Variants in DEPDC1B observed in about 807,000 individuals in gnomAD.
DEPDC1B encodes the protein DEP domain-containing protein 1B.
Under a neutral mutation model 66.5 loss-of-function variants are expected in DEPDC1B, and 51 were observed. The observed-to-expected ratio is 0.77, with a 90% CI of 0.61 to 0.97. The LOEUF is 0.97. Ranked by LOEUF, DEPDC1B falls within the 50% of genes least tolerant of loss-of-function variation. DEPDC1B has a pLI of 0.00. For missense variants in DEPDC1B, 552 were observed against 637.1 expected, an observed-to-expected ratio of 0.87 and a Z score of 1.44; for synonymous variants, 226 against 223.6, an observed-to-expected ratio of 1.01 and a Z score of -0.10.
chr5:60,638,735 T>C lies in DEPDC1B; in HGVS notation c.898+15A>G. On this transcript the variant is annotated intron_variant, in intron 7 of 10. Coordinates refer to ENST00000265036, the MANE Select transcript of DEPDC1B (RefSeq NM_018369.3). ...ATCAGTGATGTAGATATATGTTCATTATATTCCAACTTACCCAGTACACTG... is the reference window on the plus strand; with the variant it reads ...ATCAGTGATGTAGATATATGTTCATCATATTCCAACTTACCCAGTACACTG... The C allele has an allele frequency of 1.3e-6, 2 of 1,598,498 alleles. No individual in the cohort carries two copies. The highest frequency in any genetic ancestry group is 4.5e-5 in the East Asian group (2 of 44,470).
intron 7 of DEPDC1B, among the ~76,000 whole-genome samples, chr5:60,616,333 C>G (rs1233980729): frequency 2.0e-5 from 3 of 152,092 alleles, no homozygotes; most frequent in Non-Finnish European, 4.4e-5. Flanking sequence ...TTCAGATGAT[C>G]AAACTACTCT....
At chr5:60,631,476 G>A (rs1421135173) in intron 7 of DEPDC1B, among the ~76,000 whole-genome samples, 11 of 152,182 alleles carry the variant, frequency 7.2e-5, no homozygotes, top group Admixed American at 7.2e-4. Context: ...AAGTGATGGG[G>A]AGGACTCTCC....
At chr5:60,618,741 C>A (rs1023250246) in intron 7 of DEPDC1B, among the ~76,000 whole-genome samples, 1 of 152,204 alleles carries the variant, frequency 6.6e-6, no homozygotes, top group Non-Finnish European at 1.5e-5. Flanking sequence ...CCTTCTGAAA[C>A]TATTCCAATC....
At chr5:60,608,847 A>C (rs1168009595) in intron 7 of DEPDC1B, among the ~76,000 whole-genome samples, 1 of 152,146 alleles carries the variant, frequency 6.6e-6, no homozygotes, top group Non-Finnish European at 1.5e-5. Flanking sequence ...GGTGGCTTAC[A>C]CCTATAATCT....
chr5:60,629,390 T>C (rs1465215451), intron 7 of DEPDC1B, among the ~76,000 whole-genome samples: 1 of 152,198 alleles, frequency 6.6e-6, no homozygotes, highest in Non-Finnish European at 1.5e-5. Context: ...CAAATGATAG[T>C]TGTATTTTAT....
intron 7 of DEPDC1B, among the ~76,000 whole-genome samples, chr5:60,619,291 C>T (rs1223352430): frequency 1.3e-5 from 2 of 152,110 alleles, no homozygotes; most frequent in Admixed American, 1.3e-4. Flanking sequence ...CTTGCCAAGG[C>T]AATCAGGAAG....
intron 1 of DEPDC1B, among the ~76,000 whole-genome samples, chr5:60,687,565 C>T (rs960353401): frequency 4.0e-5 from 6 of 151,106 alleles, no homozygotes; most frequent in Non-Finnish European, 5.9e-5. Context: ...CTAGCTTTGT[C>T]GCCCAGGCTG....
intron 7 of DEPDC1B, among the ~76,000 whole-genome samples, chr5:60,618,135 A>C (rs890706864): frequency 2.6e-5 from 4 of 152,246 alleles, no homozygotes; most frequent in Non-Finnish European, 4.4e-5. Context: ...ACACATTCAA[A>C]GTAGTTTGTA....
At chr5:60,628,059 T>C (rs1218426080) in intron 7 of DEPDC1B, among the ~76,000 whole-genome samples, 1 of 152,214 alleles carries the variant, frequency 6.6e-6, no homozygotes, top group East Asian at 1.9e-4. Flanking sequence ...TCTGAGACTT[T>C]TGCCATCAGG....
At chr5:60,647,653 A>C in intron 2 of DEPDC1B, 120 bp from the exon 3 acceptor site, 3 of 1,110,946 alleles carry the variant, frequency 2.7e-6, no homozygotes, top group Non-Finnish European at 3.7e-6. Context: ...ATATTTATAC[A>C]ATAATTACAT....
intron 2 of DEPDC1B, among the ~76,000 whole-genome samples, chr5:60,670,461 A>G (rs1205689854): frequency 6.6e-6 from 1 of 152,236 alleles, no homozygotes; most frequent in East Asian, 1.9e-4. Flanking sequence ...GCACCTAAAT[A>G]TATGATTTCA....
chr5:60,692,900 A>T (rs7719525), intron 1 of DEPDC1B, among the ~76,000 whole-genome samples: 14,047 of 152,166 alleles, frequency 0.092, 1,210 homozygotes, highest in African/African-American at 0.22. Context: ...AAAAGTAAAT[A>T]CTATATGATT....
At chr5:60,636,007 G>C (rs1216129558) in intron 7 of DEPDC1B, among the ~76,000 whole-genome samples, 2 of 152,064 alleles carry the variant, frequency 1.3e-5, no homozygotes. Context: ...AGCCTTTTCT[G>C]CTTCCTATCT....
chr5:60,657,937 G>A (rs1042195827), intron 2 of DEPDC1B, among the ~76,000 whole-genome samples: 8 of 152,108 alleles, frequency 5.3e-5, no homozygotes, highest in African/African-American at 1.4e-4. Context: ...TTACTCTTAG[G>A]TTTGGTCATT....
intron 6 of DEPDC1B, among the ~76,000 whole-genome samples, chr5:60,640,841 T>C (rs538633609): frequency 6.6e-6 from 1 of 152,322 alleles, no homozygotes; most frequent in African/African-American, 2.4e-5. Flanking sequence ...AAGGATAGGA[T>C]GGACAAGAAA....
chr5:60,622,155 C>T (rs1017708097), intron 7 of DEPDC1B, among the ~76,000 whole-genome samples: 4 of 152,006 alleles, frequency 2.6e-5, no homozygotes, highest in South Asian at 2.1e-4. Context: ...ATGCATATCC[C>T]CATGTAAACA....
At chr5:60,634,920 A>G (rs1347560120) in intron 7 of DEPDC1B, among the ~76,000 whole-genome samples, 1 of 151,892 alleles carries the variant, frequency 6.6e-6, no homozygotes, top group Non-Finnish European at 1.5e-5. Flanking sequence ...TTAGCTGGGC[A>G]TGGTGGTGCA....
At chr5:60,619,668 T>C (rs1160347929) in intron 7 of DEPDC1B, among the ~76,000 whole-genome samples, 3 of 152,226 alleles carry the variant, frequency 2.0e-5, no homozygotes, top group Admixed American at 1.3e-4. Context: ...GAACATTCCA[T>C]GCTCATGGGT....
At chr5:60,657,593 T>G (rs1352162026) in intron 2 of DEPDC1B, among the ~76,000 whole-genome samples, 1 of 152,222 alleles carries the variant, frequency 6.6e-6, no homozygotes, top group Admixed American at 6.5e-5. Flanking sequence ...GATAATTATT[T>G]TGTTTAAGGA....
Sources: gnomAD v4.1 joint callset for allele counts (sites outside exome capture counted in the v4.1 genomes callset) on GRCh38, gnomAD v4.1.1 for gene constraint, MANE v1.5 for transcripts, NCBI Gene and HGNC (gene_info 2026-07-23, HGNC 2026-07-21) for gene names.